Variants in WIF1 observed in about 807,000 individuals in gnomAD.
WIF1 encodes the protein Wnt inhibitory factor 1.
Under a neutral mutation model 53.5 loss-of-function variants are expected in WIF1, and 35 were observed. That is an observed-to-expected ratio of 0.65 (90% CI 0.50 to 0.87). The LOEUF (loss-of-function observed/expected upper bound fraction) is 0.87, where lower values mean the gene tolerates loss of function less well. WIF1 is among the 40% of genes least tolerant of loss of function. WIF1 has a pLI of 0.00. For synonymous variants in WIF1, 171 were observed against 170.4 expected (o/e 1.00, Z -0.03); for missense variants, 467 against 476.8 (o/e 0.98, Z 0.19).
At chr12:65,101,870 G>T (rs1243025640) in intron 2 of WIF1, among the ~76,000 whole-genome samples, 1 of 152,136 alleles carries the variant, frequency 6.6e-6, no homozygotes, top group Non-Finnish European at 1.5e-5. Flanking sequence ...ACTTAGAGTG[G>T]CATTTGGGCA....
chr12:65,083,796 C>A, intron 2 of WIF1: 1 of 330,538 alleles, frequency 3.0e-6, no homozygotes, highest in South Asian at 2.5e-5. Context: ...CCTTTCCTTT[C>A]CTTTCCTTTC....
At chr12:65,086,943 C>G (rs1282105266) in intron 2 of WIF1, among the ~76,000 whole-genome samples, 2 of 150,910 alleles carry the variant, frequency 1.3e-5, no homozygotes, top group African/African-American at 4.9e-5. Flanking sequence ...GAGTTTGAGA[C>G]CAGCCTGCCC....
intron 7 of WIF1, among the ~76,000 whole-genome samples, chr12:65,056,365 CCTTTT>C (rs1882526402): frequency 2.4e-5 from 1 of 41,012 alleles, no homozygotes; most frequent in South Asian, 8.0e-4. Context: ...GCATTTATAT[CCTTTT>C]TTTTTTTTTT....
chr12:65,095,780 T>G (rs1023424570), intron 2 of WIF1: 1 of 152,136 alleles, frequency 6.6e-6, no homozygotes, highest in African/African-American at 2.4e-5. Context: ...ATACTAAAAT[T>G]GAAACGATAC....
chr12:65,112,404 TCACACACACACA>T (rs758383148), intron 2 of WIF1, among the ~76,000 whole-genome samples: 3,318 of 123,516 alleles, frequency 0.027, 151 homozygotes, highest in African/African-American at 0.088. Context: ...CCTGCTCTAA[TCACACACACACA>T]CACACACACA....
chr12:65,051,662 A>T (rs1193250901), intron 9 of WIF1, among the ~76,000 whole-genome samples, 192 bp from the exon 10 acceptor site: 2 of 152,240 alleles, frequency 1.3e-5, no homozygotes, highest in Non-Finnish European at 2.9e-5. Flanking sequence ...CCATGAAACC[A>T]GGTTTCCATT....
chr12:65,060,824 A>T, intron 7 of WIF1, among the ~76,000 whole-genome samples: 1 of 152,228 alleles, frequency 6.6e-6, no homozygotes, highest in Non-Finnish European at 1.5e-5. Context: ...TGATAGAAAC[A>T]GGAAACTTCC....
intron 2 of WIF1, among the ~76,000 whole-genome samples, chr12:65,096,370 T>C (rs1388627777): frequency 1.3e-5 from 2 of 152,132 alleles, no homozygotes; most frequent in African/African-American, 4.8e-5. Flanking sequence ...AAACAACAGA[T>C]GCTGGCGAGG....
At chr12:65,117,836 C>A (rs1010150645) in intron 2 of WIF1, among the ~76,000 whole-genome samples, 4 of 152,118 alleles carry the variant, frequency 2.6e-5, no homozygotes, top group African/African-American at 9.7e-5. Context: ...ATGCTGCTGC[C>A]GATCTGACAG....
chr12:65,053,488 G>A (rs1882474330), intron 9 of WIF1, among the ~76,000 whole-genome samples: 1 of 152,176 alleles, frequency 6.6e-6, no homozygotes, highest in Non-Finnish European at 1.5e-5. Context: ...AGTTTTATAA[G>A]TGTTTGGCAA....
chr12:65,101,318 A>G (rs1340794574), intron 2 of WIF1, among the ~76,000 whole-genome samples: 3 of 152,218 alleles, frequency 2.0e-5, no homozygotes, highest in African/African-American at 7.2e-5. Context: ...TAAAGAGCCA[A>G]GCCAGGAATA....
At chr12:65,056,164 G>C in intron 7 of WIF1, 38 bp from the exon 8 acceptor site, 1 of 1,584,154 alleles carries the variant, frequency 6.3e-7, no homozygotes. Flanking sequence ...AAGGAACCTG[G>C]TGCTTCATTC....
At chr12:65,104,367 C>G (rs1883324018) in intron 2 of WIF1, among the ~76,000 whole-genome samples, 1 of 152,172 alleles carries the variant, frequency 6.6e-6, no homozygotes, top group South Asian at 2.1e-4. Flanking sequence ...GCAGGATACC[C>G]TTCATATGCA....
chr12:65,084,488 T>C (rs1011631626), intron 2 of WIF1, among the ~76,000 whole-genome samples: 1 of 152,222 alleles, frequency 6.6e-6, no homozygotes, highest in Non-Finnish European at 1.5e-5. Context: ...ATTTAACCTC[T>C]ACTGACCTTC....
At chr12:65,096,678 A>G (rs1409593805) in intron 2 of WIF1, among the ~76,000 whole-genome samples, 1 of 152,226 alleles carries the variant, frequency 6.6e-6, no homozygotes. Context: ...ATAGAATGCT[A>G]TGCAGCCATA....
rs1883607234 is a variant in WIF1, at chr12:65,121,251, C to A, written c.-60G>T. The A allele has an allele frequency of 7.2e-7, 1 of 1,380,830 alleles. No individual in the cohort carries two copies. Among genetic ancestry groups the A allele is most frequent in the East Asian group, 2.9e-5 (1 of 34,740 alleles). 85.5% of individuals were successfully genotyped at this position (1,380,830 alleles called of 1,614,324 possible). Reference sequence around the variant, plus strand: ...CTCGTGCCGCACCTACGCAACCTGGCGCCGTCAGATACTCTGCTGCGCTGC... The same window carrying A: ...CTCGTGCCGCACCTACGCAACCTGGAGCCGTCAGATACTCTGCTGCGCTGC... On this transcript the variant is annotated 5_prime_UTR_variant, in exon 1 of 10. Transcript: ENST00000286574.
rs758690202 is a variant in WIF1, at chr12:65,074,817, C to CAAAAA, written c.397+2924_397+2928dup. Among the ~76,000 whole-genome samples, 72 of 55,308 alleles carry CAAAAA rather than the reference C, an allele frequency of 1.3e-3. 2 individuals are homozygous for CAAAAA. The highest frequency in any genetic ancestry group is 2.6e-3 in the African/African-American group (37 of 14,278). 36.3% of individuals were successfully genotyped at this position (55,308 alleles called of 152,430 possible). A position where few individuals can be genotyped will look rare whatever the true frequency, so the allele number is the denominator to read the frequency against. ...TGGGTAACAGAGGGACACTCTGTCTCAAAAAAAAAAAAAAAAAAAAAGAAA... is the reference window on the plus strand; with the variant it reads ...TGGGTAACAGAGGGACACTCTGTCTCAAAAAAAAAAAAAAAAAAAAAAAAAAGAAA... On this transcript the variant is annotated intron_variant, in intron 3 of 9. Coordinates refer to ENST00000286574, the MANE Select transcript of WIF1 (RefSeq NM_007191.5).
intron 2 of WIF1, among the ~76,000 whole-genome samples, chr12:65,118,889 A>AGAGC (rs904754425): frequency 6.6e-6 from 1 of 151,654 alleles, no homozygotes; most frequent in African/African-American, 2.4e-5. Context: ...AGAGAGAGAG[A>AGAGC]GTGCGCACGA....
At chr12:65,105,248 T>C (rs1883335934) in intron 2 of WIF1, among the ~76,000 whole-genome samples, 1 of 151,608 alleles carries the variant, frequency 6.6e-6, no homozygotes, top group Non-Finnish European at 1.5e-5. Context: ...GCCTAGGAAA[T>C]AAGGGGGAAG....
Sources: gnomAD v4.1 joint callset for allele counts (sites outside exome capture counted in the v4.1 genomes callset) on GRCh38, gnomAD v4.1.1 for gene constraint, MANE v1.5 for transcripts, NCBI Gene and HGNC (gene_info 2026-07-23, HGNC 2026-07-21) for gene names.